Variants in ARHGEF38 observed in about 807,000 individuals in gnomAD.
The protein encoded by ARHGEF38 is Rho guanine nucleotide exchange factor (GEF) 38.
In ARHGEF38, 79 loss-of-function variants were observed where a neutral mutation model predicts 79.9. That is an observed-to-expected ratio of 0.99 (90% confidence interval 0.82 to 1.19). The LOEUF (loss-of-function observed/expected upper bound fraction) is 1.19, where lower values mean the gene tolerates loss of function less well. Ranked by LOEUF, ARHGEF38 falls within the 50% of genes most tolerant of loss-of-function variation. ARHGEF38 has a pLI of 0.00. For missense variants in ARHGEF38, 962 were observed against 907.2 expected (o/e 1.06, Z -0.78); for synonymous variants, 366 against 328.3 (o/e 1.11, Z -1.24).
intron 3 of ARHGEF38, among the ~76,000 whole-genome samples, chr4:105,628,903 C>A (rs894622207): frequency 6.6e-6 from 1 of 152,094 alleles, no homozygotes; most frequent in Non-Finnish European, 1.5e-5. Context: ...AGCAAAGCAA[C>A]CTTAAGAGAC....
At chr4:105,607,399 G>C (rs1728095565) in intron 2 of ARHGEF38, among the ~76,000 whole-genome samples, 1 of 152,044 alleles carries the variant, frequency 6.6e-6, no homozygotes, top group African/African-American at 2.4e-5. Context: ...ACTCCTACAA[G>C]AGTAAATAGA....
chr4:105,651,533 A>G (rs975799631), intron 7 of ARHGEF38, among the ~76,000 whole-genome samples: 3 of 152,190 alleles, frequency 2.0e-5, no homozygotes, highest in Non-Finnish European at 4.4e-5. Flanking sequence ...ATCCTACTAT[A>G]CCGTGGGTAA....
intron 10 of ARHGEF38, among the ~76,000 whole-genome samples, chr4:105,659,882 T>A (rs925935213): frequency 6.7e-6 from 1 of 150,284 alleles, no homozygotes; most frequent in Non-Finnish European, 1.5e-5. Flanking sequence ...TGTGTGTGTG[T>A]GTGTGTAGCT....
At chr4:105,616,123 A>G (rs1456508611) in intron 3 of ARHGEF38, among the ~76,000 whole-genome samples, 1 of 152,204 alleles carries the variant, frequency 6.6e-6, no homozygotes, top group African/African-American at 2.4e-5. Flanking sequence ...CTGAGAAATC[A>G]TGCTACAGAG....
intron 5 of ARHGEF38, among the ~76,000 whole-genome samples, chr4:105,644,857 G>A (rs1297104148): frequency 6.6e-6 from 1 of 152,102 alleles, no homozygotes; most frequent in Non-Finnish European, 1.5e-5. Context: ...TGTTGTCATG[G>A]TAAAATACGT....
chr4:105,577,042 CTA>C (rs1726537115), intron 1 of ARHGEF38, among the ~76,000 whole-genome samples: 1 of 151,394 alleles, frequency 6.6e-6, no homozygotes, highest in Non-Finnish European at 1.5e-5. Flanking sequence ...AATTTTGCAT[CTA>C]TGTTCAAAAG....
At chr4:105,650,922 A>G (rs1012339543) in intron 7 of ARHGEF38, among the ~76,000 whole-genome samples, 1 of 152,214 alleles carries the variant, frequency 6.6e-6, no homozygotes, top group African/African-American at 2.4e-5. Flanking sequence ...CATTTCAACT[A>G]AAGACAACCA....
At chr4:105,557,836 C>A (rs1404686209) in intron 1 of ARHGEF38, among the ~76,000 whole-genome samples, 1 of 152,098 alleles carries the variant, frequency 6.6e-6, no homozygotes, top group Non-Finnish European at 1.5e-5. Flanking sequence ...GCAGCCCAAA[C>A]CAACCAAGAC....
chr4:105,653,974 T>C (rs1164765288), intron 7 of ARHGEF38, 91 bp from the exon 8 acceptor site: 22 of 584,752 alleles, frequency 3.8e-5, no homozygotes, highest in Non-Finnish European at 5.4e-5. Context: ...AAGAATTTTC[T>C]TTTGTAATGT....
intron 9 of ARHGEF38, among the ~76,000 whole-genome samples, chr4:105,657,564 T>C (rs1313437264): frequency 3.9e-5 from 6 of 152,016 alleles, no homozygotes; most frequent in African/African-American, 1.2e-4. Flanking sequence ...TAAGTAAAGG[T>C]GAATCATTTT....
chr4:105,677,687 T>C, intron 13 of ARHGEF38, 65 bp from the exon 14 acceptor site: 1 of 1,330,582 alleles, frequency 7.5e-7, no homozygotes, highest in Non-Finnish European at 9.7e-7. Context: ...GCTTGGAAAC[T>C]TTTATGATGT....
intron 13 of ARHGEF38, among the ~76,000 whole-genome samples, chr4:105,669,467 T>C (rs1244129122): frequency 6.6e-6 from 1 of 152,218 alleles, no homozygotes; most frequent in Non-Finnish European, 1.5e-5. Context: ...CAAAGGTATG[T>C]ACATTTAACG....
chr4:105,681,815 A>G (rs1731320762), downstream of ARHGEF38, among the ~76,000 whole-genome samples: 1 of 152,236 alleles, frequency 6.6e-6, no homozygotes, highest in African/African-American at 2.4e-5. Flanking sequence ...TAATCATTAT[A>G]TAGGAGCTTA....
chr4:105,572,923 G>C lies in ARHGEF38; in HGVS notation c.197-16325G>C, dbSNP rs545360403. Among the ~76,000 whole-genome samples, 39 of 152,208 alleles carry C rather than the reference G, an allele frequency of 2.6e-4. No homozygotes were observed. The South Asian group carries it at 4.6e-3, about 18-fold the overall frequency. On this transcript the variant is annotated intron_variant, in intron 1 of 13. Coordinates refer to ENST00000420470, the MANE Select transcript of ARHGEF38 (RefSeq NM_001242729.2). ...CTGGCTTATATTTTAAAATATATTA[G>C]CCATCCTTATGGGTGCAAAGTGGTA...
chr4:105,644,899 C>CAAT (rs1444117177), intron 5 of ARHGEF38, among the ~76,000 whole-genome samples: 5 of 151,968 alleles, frequency 3.3e-5, no homozygotes, highest in Non-Finnish European at 7.4e-5. Context: ...ATTATAAAGC[C>CAAT]AATTATAAAA....
chr4:105,663,298 ATAATT>A (rs1730629595), intron 10 of ARHGEF38, among the ~76,000 whole-genome samples: 1 of 152,174 alleles, frequency 6.6e-6, no homozygotes, highest in South Asian at 2.1e-4. Flanking sequence ...AATAATGTAA[ATAATT>A]TTTAAATTTT....
At chr4:105,647,959 G>A (rs989116159) in intron 6 of ARHGEF38, among the ~76,000 whole-genome samples, 3 of 146,764 alleles carry the variant, frequency 2.0e-5, no homozygotes, top group East Asian at 2.0e-4. Flanking sequence ...GCATGATCTC[G>A]GCTCACTGCA....
At chr4:105,652,925 A>G (rs1411081595) in intron 7 of ARHGEF38, among the ~76,000 whole-genome samples, 1 of 152,218 alleles carries the variant, frequency 6.6e-6, no homozygotes, top group African/African-American at 2.4e-5. Context: ...GAGTTCTAAT[A>G]TCAACCCTCT....
intron 10 of ARHGEF38, among the ~76,000 whole-genome samples, chr4:105,664,536 T>G (rs551011705): frequency 5.9e-5 from 9 of 152,340 alleles, no homozygotes; most frequent in African/African-American, 1.9e-4. Flanking sequence ...TATACCCCCT[T>G]CAATACAGTT....
Sources: gnomAD v4.1 joint callset for allele counts (sites outside exome capture counted in the v4.1 genomes callset) on GRCh38, gnomAD v4.1.1 for gene constraint, MANE v1.5 for transcripts, NCBI Gene and HGNC (gene_info 2026-07-23, HGNC 2026-07-21) for gene names.